The following LRP1B variants were observed in gnomAD, a reference collection of about 807,000 sequenced individuals.
The protein encoded by LRP1B is LDL receptor related protein 1B, also known as low-density lipoprotein receptor-related protein 1B.
A neutral mutation model predicts 556.6 loss-of-function variants in LRP1B; 217 were observed. The ratio of observed to expected loss-of-function variants is 0.39; its 90% CI spans 0.35 to 0.44. The LOEUF (loss-of-function observed/expected upper bound fraction) is 0.44. Ranked by LOEUF, LRP1B falls within the 20% of genes least tolerant of loss-of-function variation. The pLI is 1.00. For synonymous variants in LRP1B, 2,047 were observed against 1,865.8 expected (o/e 1.10, Z -2.50); for missense variants, 5,053 against 5,620.8 (o/e 0.90, Z 3.23).
At chr2:140,247,654 T>G (rs17385521) in intron 86 of LRP1B, among the ~76,000 whole-genome samples, 47,213 of 151,506 alleles carry the variant, frequency 0.31, 9,024 homozygotes, top group Non-Finnish European at 0.43. Context: ...TAAGCAGAGA[T>G]AACAAAATAC....
intron 1 of LRP1B, among the ~76,000 whole-genome samples, chr2:141,887,355 G>A (rs1699159502): frequency 6.6e-6 from 1 of 152,098 alleles, no homozygotes; most frequent in South Asian, 2.1e-4. Flanking sequence ...GAACAGGAAT[G>A]GCATTCCACG....
At chr2:140,855,926 T>A (rs750215051) in intron 27 of LRP1B, among the ~76,000 whole-genome samples, 1 of 152,224 alleles carries the variant, frequency 6.6e-6, no homozygotes, top group Non-Finnish European at 1.5e-5. Flanking sequence ...CACTGCCAAA[T>A]TTAATCCTTT....
chr2:140,477,626 T>G (rs957988250), intron 59 of LRP1B, among the ~76,000 whole-genome samples: 3 of 152,202 alleles, frequency 2.0e-5, no homozygotes, highest in African/African-American at 7.2e-5. Flanking sequence ...AAACTACAAA[T>G]TTCAAGTGGT....
At chr2:141,464,606 A>ATATATATATTTTT in intron 3 of LRP1B, among the ~76,000 whole-genome samples, 4 of 90,544 alleles carry the variant, frequency 4.4e-5, no homozygotes, top group Admixed American at 1.2e-4. Flanking sequence ...ATATATATAT[A>ATATATATATTTTT]TTTTTTTAGT....
chr2:141,474,049 C>CT (rs1553519296), intron 3 of LRP1B, among the ~76,000 whole-genome samples: 45 of 42,472 alleles, frequency 1.1e-3, no homozygotes, highest in African/African-American at 3.5e-3. Context: ...CCTTCCTTTC[C>CT]TTCCTTCCTC....
chr2:140,640,383 CTT>C (rs70988414), intron 41 of LRP1B, among the ~76,000 whole-genome samples: 251 of 48,416 alleles, frequency 5.2e-3, no homozygotes, highest in African/African-American at 0.011. Context: ...GTCCTGTTTT[CTT>C]TTTTTTTTTT....
At chr2:140,807,487 C>T (rs1196360172) in intron 32 of LRP1B, among the ~76,000 whole-genome samples, 14 of 150,910 alleles carry the variant, frequency 9.3e-5, no homozygotes, top group African/African-American at 3.4e-4. Context: ...ATTACAGGCA[C>T]CCGCCACCAC....
At chr2:140,571,534 C>G (rs1681321206) in intron 43 of LRP1B, among the ~76,000 whole-genome samples, 1 of 151,592 alleles carries the variant, frequency 6.6e-6, no homozygotes, top group Non-Finnish European at 1.5e-5. Flanking sequence ...GAAAGACATC[C>G]CATGTCTATG....
chr2:141,036,783 G>A (rs959584869), intron 11 of LRP1B, among the ~76,000 whole-genome samples: 3 of 152,050 alleles, frequency 2.0e-5, no homozygotes, highest in Non-Finnish European at 2.9e-5. Context: ...ACTCAGGGAA[G>A]AATAGGAGCG....
chr2:141,682,721 G>A (rs1032626165), intron 2 of LRP1B, among the ~76,000 whole-genome samples: 1 of 152,032 alleles, frequency 6.6e-6, no homozygotes, highest in East Asian at 1.9e-4. Context: ...TTAGTTGATT[G>A]GATAACATAT....
At chr2:140,330,161 C>G (rs1558806831) in intron 79 of LRP1B, among the ~76,000 whole-genome samples, 1 of 149,882 alleles carries the variant, frequency 6.7e-6, no homozygotes, top group East Asian at 2.0e-4. Flanking sequence ...ACTAGCATCA[C>G]TGAACTACAG....
chr2:140,530,961 A>AT (rs369123396), intron 47 of LRP1B, among the ~76,000 whole-genome samples: 148 of 152,238 alleles, frequency 9.7e-4, no homozygotes, highest in African/African-American at 3.4e-3. Flanking sequence ...GCTGGTATTG[A>AT]TATCATTAGG....
At chr2:140,566,613 A>G (rs1195066936) in intron 43 of LRP1B, among the ~76,000 whole-genome samples, 1 of 152,104 alleles carries the variant, frequency 6.6e-6, no homozygotes, top group African/African-American at 2.4e-5. Flanking sequence ...TCCCAGGGAC[A>G]TGATGCTTTG....
chr2:141,274,184 G>C (rs187521478), intron 3 of LRP1B, among the ~76,000 whole-genome samples: 3 of 152,264 alleles, frequency 2.0e-5, no homozygotes, highest in Middle Eastern at 3.4e-3. Context: ...TAGAGTCACT[G>C]TATGTCCCAA....
At chr2:140,640,571 A>G (rs954696632) in intron 41 of LRP1B, among the ~76,000 whole-genome samples, 2 of 147,216 alleles carry the variant, frequency 1.4e-5, no homozygotes, top group East Asian at 2.1e-4. Context: ...AATTTTTTGT[A>G]TTTTTAGTAG....
Position 141,215,052 on chromosome 2 carries a change from G to A in LRP1B, c.850+14131C>T, listed in dbSNP as rs192182890. Among the ~76,000 whole-genome samples, 110 of 152,334 alleles carry A rather than the reference G, an allele frequency of 7.2e-4. 1 individual carries two copies. The highest frequency in any genetic ancestry group is 2.4e-3 in the African/African-American group (100 of 41,576). Reference sequence around the variant, plus strand: ...ATGTTAAATTGTAATCCCCGATGTTGGAGGTGGGGACTGGTGGGTGATGTT... The same window carrying A: ...ATGTTAAATTGTAATCCCCGATGTTAGAGGTGGGGACTGGTGGGTGATGTT... On this transcript the variant is annotated intron_variant, in intron 6 of 90. Coordinates refer to ENST00000389484, the MANE Select transcript of LRP1B (RefSeq NM_018557.3).
chr2:141,512,097 C>G (rs938795505), intron 2 of LRP1B, among the ~76,000 whole-genome samples: 1 of 152,178 alleles, frequency 6.6e-6, no homozygotes, highest in Non-Finnish European at 1.5e-5. Flanking sequence ...CATTAATTTA[C>G]TCCATACGGA....
intron 8 of LRP1B, among the ~76,000 whole-genome samples, chr2:141,060,982 T>A (rs973802090): frequency 6.6e-6 from 1 of 151,640 alleles, no homozygotes; most frequent in South Asian, 2.1e-4. Context: ...CATGAAAAAA[T>A]TTATTTGAAC....
intron 2 of LRP1B, among the ~76,000 whole-genome samples, chr2:141,525,917 T>C (rs926225160): frequency 1.3e-5 from 2 of 152,018 alleles, no homozygotes; most frequent in African/African-American, 4.8e-5. Context: ...AGCTGGGTGT[T>C]CTTTGTTTTA....
Sources: allele counts gnomAD v4.1 joint callset (sites outside exome capture counted in the v4.1 genomes callset), GRCh38; gene constraint gnomAD v4.1.1; transcripts MANE v1.5; gene names NCBI Gene and HGNC (gene_info 2026-07-23, HGNC 2026-07-21).